TRPM3: variants seen among roughly 807,000 people sequenced by gnomAD.
The protein encoded by TRPM3 is long transient receptor potential channel 3.
Under a neutral mutation model 181.2 loss-of-function variants are expected in TRPM3, and 77 were observed. That is an observed-to-expected ratio of 0.42 (90% CI 0.35 to 0.51). TRPM3 has a LOEUF of 0.51. Among genes scored for constraint, TRPM3 ranks in the 20% least tolerant of loss-of-function variants. The pLI is 0.01. For missense variants in TRPM3, 1,759 were observed against 2,196.7 expected, an observed-to-expected ratio of 0.80 and a Z score of 3.98; for synonymous variants, 745 against 796.4, an observed-to-expected ratio of 0.94 and a Z score of 1.09.
At chr9:71,197,590 G>A (rs2131704745) in intron 1 of TRPM3, among the ~76,000 whole-genome samples, 1 of 152,082 alleles carries the variant, frequency 6.6e-6, no homozygotes, top group South Asian at 2.1e-4. Context: ...GCATCTCATT[G>A]TGGTTTTGAT....
chr9:70,967,032 C>CAAAGACAAAT (rs2097192386), intron 1 of TRPM3, among the ~76,000 whole-genome samples: 1 of 151,308 alleles, frequency 6.6e-6, no homozygotes, highest in Non-Finnish European at 1.5e-5. Flanking sequence ...CAAAACACAA[C>CAAAGACAAAT]AAAAACAATA....
At chr9:70,595,106 A>G (rs189875140) in intron 21 of TRPM3, among the ~76,000 whole-genome samples, 1 of 152,344 alleles carries the variant, frequency 6.6e-6, no homozygotes, top group Non-Finnish European at 1.5e-5. Flanking sequence ...GTTTCATTCT[A>G]GTCAAAACTG....
At chr9:70,830,806 T>G (rs2093842489) in intron 5 of TRPM3, among the ~76,000 whole-genome samples, 1 of 152,194 alleles carries the variant, frequency 6.6e-6, no homozygotes, top group Non-Finnish European at 1.5e-5. Flanking sequence ...TAGTTGAGAT[T>G]ATATGTGCAA....
At chr9:71,046,016 ACT>A (rs1343728969) in intron 1 of TRPM3, among the ~76,000 whole-genome samples, 2 of 147,414 alleles carry the variant, frequency 1.4e-5, no homozygotes, top group Non-Finnish European at 3.0e-5. Context: ...ATGGAGCCTC[ACT>A]CTGTCACCCA....
chr9:71,069,770 A>T (rs1450332487), intron 1 of TRPM3, among the ~76,000 whole-genome samples: 1 of 151,904 alleles, frequency 6.6e-6, no homozygotes, highest in Non-Finnish European at 1.5e-5. Context: ...CACCACACCT[A>T]GCTAATTTTG....
chr9:71,007,756 G>A (rs934537049), intron 1 of TRPM3, among the ~76,000 whole-genome samples: 16 of 152,188 alleles, frequency 1.1e-4, no homozygotes, highest in Admixed American at 5.9e-4. Flanking sequence ...CACAGCAAAT[G>A]AAAATGGAAT....
intron 1 of TRPM3, among the ~76,000 whole-genome samples, chr9:71,173,496 T>C (rs2076962362): frequency 6.6e-6 from 1 of 152,242 alleles, no homozygotes; most frequent in Admixed American, 6.5e-5. Flanking sequence ...TTGGTGGCGA[T>C]GAAAGAAACA....
At chr9:70,981,521 A>G (rs1215994123) in intron 1 of TRPM3, among the ~76,000 whole-genome samples, 1 of 152,178 alleles carries the variant, frequency 6.6e-6, no homozygotes, top group Non-Finnish European at 1.5e-5. Flanking sequence ...TGACATCACA[A>G]TGTTGCCTGA....
chr9:70,900,846 A>G (rs1323478191), intron 1 of TRPM3, among the ~76,000 whole-genome samples: 3 of 152,234 alleles, frequency 2.0e-5, no homozygotes, highest in Non-Finnish European at 4.4e-5. Context: ...GCCTCTACTA[A>G]GCAGGTAGTC....
chr9:70,667,456 T>G (rs2134009918), intron 9 of TRPM3, among the ~76,000 whole-genome samples: 1 of 152,272 alleles, frequency 6.6e-6, no homozygotes, highest in East Asian at 1.9e-4. Context: ...ATTAATTGAT[T>G]TCATCTCCTT....
chr9:70,989,152 C>T (rs77152345), intron 1 of TRPM3, among the ~76,000 whole-genome samples: 2,160 of 152,204 alleles, frequency 0.014, 39 homozygotes, highest in African/African-American at 0.049. Flanking sequence ...ACACTATATA[C>T]ATATCATGGA....
At chr9:70,978,141 A>G (rs1032142886) in intron 1 of TRPM3, among the ~76,000 whole-genome samples, 10 of 152,198 alleles carry the variant, frequency 6.6e-5, no homozygotes, top group African/African-American at 2.4e-4. Context: ...TGCTCCTGTC[A>G]TCCAGGAAAT....
intron 1 of TRPM3, among the ~76,000 whole-genome samples, chr9:71,380,029 AG>A (rs2092761755): frequency 6.6e-6 from 1 of 152,038 alleles, no homozygotes; most frequent in Non-Finnish European, 1.5e-5. Context: ...GGGGGAGGCA[AG>A]GCAGATTCTA....
In TRPM3 at chr9:70,553,033, A is replaced by G; in HGVS notation, c.3385T>C (p.Phe1129Leu). The change falls in exon 24 of 26, where the codon TTT becomes CTT. Residue 1129 changes from phenylalanine to leucine, a missense_variant. By Grantham distance (22) the Phe-to-Leu change is conservative. Transcript: ENST00000677713. ...LLIAVFNNTF[F>L]EVKSISNQVW... Reference sequence around the variant, plus strand: ...TGGTTGGATATCGATTTTACTTCAAAAAATGTATTGCTAAAATAGAGACCA... The same window carrying G: ...TGGTTGGATATCGATTTTACTTCAAGAAATGTATTGCTAAAATAGAGACCA... 6.2e-7 allele frequency: 1 copy of G among 1,614,216 alleles called. No homozygotes were observed. The highest frequency in any genetic ancestry group is 2.2e-5 in the East Asian group (1 of 44,884).
intron 1 of TRPM3, among the ~76,000 whole-genome samples, chr9:71,415,719 A>T (rs1016879085): frequency 1.3e-5 from 2 of 152,024 alleles, no homozygotes; most frequent in Non-Finnish European, 2.9e-5. Flanking sequence ...TCAATGGAAC[A>T]GTTTTCTATA....
At chr9:71,285,111 T>C (rs1052139329) in intron 1 of TRPM3, among the ~76,000 whole-genome samples, 20 of 152,234 alleles carry the variant, frequency 1.3e-4, no homozygotes, top group African/African-American at 4.3e-4. Context: ...GTAATGTGTT[T>C]ACATATTTGC....
chr9:71,242,465 C>T (rs988072329), intron 1 of TRPM3, among the ~76,000 whole-genome samples: 28 of 152,114 alleles, frequency 1.8e-4, no homozygotes, highest in Non-Finnish European at 7.4e-5. Flanking sequence ...GAATGAAATG[C>T]CAATGGAAGA....
In TRPM3 at chr9:70,846,587, A is replaced by C. The variant is rs1362834725; in HGVS notation, c.467T>G (p.Val156Gly). The C allele has an allele frequency of 1.2e-6, 2 of 1,613,904 alleles. No homozygotes were observed. The highest frequency in any genetic ancestry group is 1.7e-6 in the Non-Finnish European group (2 of 1,179,776). The change falls in exon 4 of 26, where the codon GTG (valine) becomes GGG (glycine). Residue 156 changes from valine (V) to glycine (G), a missense_variant. This residue lies in a region of TRPM3 where 737 missense variants were observed against 957.4 expected (regional missense o/e 0.77). Transcript: ENST00000677713. The part of the protein sequence containing the change: ...GGGHSNKAMY[V>G]RVSFDTKPDL... ...AGGTTTTGTATCAAAAGATACTCGCACATACTGGAAGAAGAAAGGACATCA... is the reference window on the plus strand; with the variant it reads ...AGGTTTTGTATCAAAAGATACTCGCCCATACTGGAAGAAGAAAGGACATCA...
chr9:70,864,102 G>A (rs542675669), intron 2 of TRPM3, among the ~76,000 whole-genome samples: 1 of 152,092 alleles, frequency 6.6e-6, no homozygotes, highest in Admixed American at 6.6e-5. Context: ...ATTGCAGAAC[G>A]TGTTGGTACT....
Sources: gnomAD v4.1 joint callset for allele counts (sites outside exome capture counted in the v4.1 genomes callset) on GRCh38, gnomAD v4.1.1 for gene constraint, gnomAD v4.1.1 regional missense constraint, MANE v1.5 for transcripts, NCBI Gene and HGNC (gene_info 2026-07-23, HGNC 2026-07-21) for gene names.